The following AGO2 variants were observed in gnomAD, a reference collection of about 807,000 sequenced individuals.
AGO2 encodes protein argonaute-2.
In AGO2, 5 loss-of-function variants were observed where a neutral mutation model predicts 102.3. The observed-to-expected ratio is 0.05, with a 90% confidence interval of 0.03 to 0.10. The LOEUF is 0.10. AGO2 is among the 10% of genes least tolerant of loss of function. The pLI, the probability that AGO2 is intolerant of heterozygous loss-of-function variation, is 1.00. For synonymous variants in AGO2, 449 were observed against 473.1 expected (o/e 0.95, Z 0.66); for missense variants, 541 against 1,183.7 (o/e 0.46, Z 7.97).
intron 13 of AGO2, 142 bp downstream of exon 13, chr8:140,547,326 T>C: frequency 9.3e-7 from 1 of 1,076,274 alleles, no homozygotes; most frequent in Non-Finnish European, 1.3e-6. Context: ...ATGTCTGACA[T>C]CTTTGCTCTG....
At chr8:140,606,900 G>A (rs2074005036) in intron 1 of AGO2, among the ~76,000 whole-genome samples, 1 of 151,938 alleles carries the variant, frequency 6.6e-6, no homozygotes, top group Non-Finnish European at 1.5e-5. Context: ...TCACACCACT[G>A]TACTCCAGCC....
chr8:140,639,479 T>G, upstream of AGO2, among the ~76,000 whole-genome samples: 1 of 34,222 alleles, frequency 2.9e-5, no homozygotes, highest in East Asian at 4.2e-4. Flanking sequence ...AAACTCCATC[T>G]GAAAAAAAAA....
intron 2 of AGO2, among the ~76,000 whole-genome samples, chr8:140,574,484 G>T (rs748338962): frequency 6.6e-6 from 1 of 151,984 alleles, no homozygotes; most frequent in South Asian, 2.1e-4. Context: ...GGCTGGTCTC[G>T]AACTCCTGGG....
intron 17 of AGO2, 140 bp downstream of exon 17, chr8:140,535,328 G>T: frequency 1.2e-6 from 1 of 862,494 alleles, no homozygotes; most frequent in Non-Finnish European, 1.9e-6. Context: ...CACAGCCTGG[G>T]CTCCCCGGTT....
At chr8:140,566,698 A>C (rs2073292658) in intron 3 of AGO2, among the ~76,000 whole-genome samples, 1 of 151,428 alleles carries the variant, frequency 6.6e-6, no homozygotes, top group African/African-American at 2.4e-5. Context: ...GCCAGGTGGC[A>C]GGAAGCAGAG....
chr8:140,580,840 C>T (rs2073546031), intron 2 of AGO2, among the ~76,000 whole-genome samples: 1 of 152,264 alleles, frequency 6.6e-6, no homozygotes, highest in Non-Finnish European at 1.5e-5. Flanking sequence ...CTCAAGCTTG[C>T]TCATAGCCTA....
intron 1 of AGO2, among the ~76,000 whole-genome samples, chr8:140,621,464 G>C (rs529141546): frequency 6.6e-6 from 1 of 152,326 alleles, no homozygotes; most frequent in Admixed American, 6.5e-5. Context: ...ATTGTCCCCA[G>C]TCACGGGCAT....
chr8:140,534,695 T>C (rs1431904404), intron 17 of AGO2, among the ~76,000 whole-genome samples: 2 of 152,170 alleles, frequency 1.3e-5, no homozygotes, highest in African/African-American at 4.8e-5. Context: ...ATCCTCAAAC[T>C]CTAGGGTTCA....
intron 1 of AGO2, among the ~76,000 whole-genome samples, chr8:140,603,682 C>T (rs1284654607): frequency 6.6e-6 from 1 of 152,208 alleles, no homozygotes; most frequent in South Asian, 2.1e-4. Flanking sequence ...GGCTCATCCG[C>T]GCTGCAGCTG....
In AGO2 at chr8:140,544,313, G is replaced by T. The variant is rs368789089; in HGVS notation, c.1749-10C>A. 2.8e-5 allele frequency: 44 copies of T among 1,596,818 alleles called. No homozygotes were observed. The highest frequency in any genetic ancestry group is 3.6e-5 in the Non-Finnish European group (42 of 1,173,314). ...CTGGAACACCGGCGGCCTGCGGAGA[G>T]GAGTGGCGTCAGGGGCCACGGTGAG... On this transcript the variant is annotated splice_polypyrimidine_tract_variant and intron_variant, in intron 13 of 18. Coordinates refer to ENST00000220592, the MANE Select transcript of AGO2 (RefSeq NM_012154.5).
chr8:140,547,620 G>T lies in AGO2; in HGVS notation c.1596C>A (p.Val532=). The change falls in exon 13 of 19, where the codon GTC becomes GTA. Residue 532 remains valine (V), a synonymous_variant. Transcript: ENST00000220592. ...CCAGCACCGTGTCTCCCACGCGCTT[G>T]ACCTCGGCTAAGGGACATGAGAGGC... The part of the protein sequence containing the change: ...LPGKTPVYAE[V]KRVGDTVLGM... 6 of 1,612,836 alleles carry T rather than the reference G, an allele frequency of 3.7e-6. No individual in the cohort carries two copies. Among genetic ancestry groups the T allele is most frequent in the Non-Finnish European group, 4.2e-6 (5 of 1,179,446 alleles).
Position 140,572,916 on chromosome 8 carries a change from T to C in AGO2, c.232A>G (p.Met78Val). Residue 78 changes from methionine to valine, a missense_variant, in exon 3 of 19, where the codon ATG becomes GTG. Physicochemically the swap from Met to Val is conservative, Grantham distance 21. Transcript: ENST00000220592. ...RRVNREIVEHMVQHFKTQIFG... is the reference protein window; with the variant it reads ...RRVNREIVEHVVQHFKTQIFG... Reference sequence around the variant, plus strand: ...ATCTGTGTTTTAAAGTGCTGGACCATGTGTTCCACGATTTCCCTGAAACAA... The same window carrying C: ...ATCTGTGTTTTAAAGTGCTGGACCACGTGTTCCACGATTTCCCTGAAACAA... The C allele has an allele frequency of 6.2e-7, 1 of 1,609,272 alleles. No individual in the cohort carries two copies. The highest frequency in any genetic ancestry group is 8.5e-7 in the Non-Finnish European group (1 of 1,178,490).
chr8:140,606,321 C>T (rs527326888), intron 1 of AGO2, among the ~76,000 whole-genome samples: 1 of 152,310 alleles, frequency 6.6e-6, no homozygotes, highest in Non-Finnish European at 1.5e-5. Flanking sequence ...CGAGAGCAAG[C>T]GAGGAGCATG....
At chr8:140,573,448 A>C (rs1001159922) in intron 2 of AGO2, among the ~76,000 whole-genome samples, 1 of 152,026 alleles carries the variant, frequency 6.6e-6, no homozygotes, top group African/African-American at 2.4e-5. Context: ...CAAATGCTGG[A>C]ATTACAGGCG....
intron 1 of AGO2, among the ~76,000 whole-genome samples, chr8:140,632,878 T>C (rs549668359): frequency 6.6e-6 from 1 of 152,050 alleles, no homozygotes; most frequent in African/African-American, 2.4e-5. Context: ...CAATTGGAAG[T>C]AGCAAAACTA....
chr8:140,522,495 T>A lies in AGO2; in HGVS notation c.*9549A>T, dbSNP rs1310433633. 3 of 128,272 alleles carry A rather than the reference T, an allele frequency of 2.3e-5. No homozygotes were observed. Among genetic ancestry groups the A allele is most frequent in the East Asian group, 2.3e-4 (1 of 4,382 alleles). The allele number at this position is 128,272 out of a possible 1,614,324, so 7.9% of individuals were successfully genotyped here. On this transcript the variant is annotated 3_prime_UTR_variant, in exon 19 of 19. Coordinates refer to ENST00000220592, the MANE Select transcript of AGO2 (RefSeq NM_012154.5). ...AATAAGACCTACGCCCAAATCACAC[T>A]CTCCATCAGCCACACAGAAATCTCA...
At chr8:140,616,772 G>A (rs562137401) in intron 1 of AGO2, among the ~76,000 whole-genome samples, 1 of 152,204 alleles carries the variant, frequency 6.6e-6, no homozygotes, top group Non-Finnish European at 1.5e-5. Flanking sequence ...CAGGGGGAGA[G>A]AGCTCACTGC....
intron 1 of AGO2, among the ~76,000 whole-genome samples, chr8:140,607,124 T>C (rs1400623783): frequency 6.6e-6 from 1 of 151,892 alleles, no homozygotes; most frequent in African/African-American, 2.4e-5. Flanking sequence ...TGGTGCATGC[T>C]TGTAACCGCA....
chr8:140,641,655 C>T, the AGO2 span, among the ~76,000 whole-genome samples: 2 of 152,242 alleles, frequency 1.3e-5, no homozygotes, highest in African/African-American at 2.4e-5. Flanking sequence ...ATGATCTTGG[C>T]TCACTGCAAC....
Sources: gnomAD v4.1 joint callset for allele counts (sites outside exome capture counted in the v4.1 genomes callset) on GRCh38, gnomAD v4.1.1 for gene constraint, MANE v1.5 for transcripts, NCBI Gene and HGNC (gene_info 2026-07-23, HGNC 2026-07-21) for gene names.